Variants in LEKR1 observed in about 807,000 individuals in gnomAD.
The protein encoded by LEKR1 is protein LEKR1.
LEKR1 carries 59 observed loss-of-function variants against 72.4 expected under a neutral mutation model. That is an observed-to-expected ratio of 0.82 (90% CI 0.66 to 1.01). LEKR1 has a LOEUF of 1.01. Ranked by LOEUF, LEKR1 falls within the 50% of genes least tolerant of loss-of-function variation. The pLI is 0.00. For synonymous variants in LEKR1, 257 were observed against 263.2 expected (o/e 0.98, Z 0.23); for missense variants, 728 against 759.2 (o/e 0.96, Z 0.48).
chr3:157,026,234 C>T (rs1281668523), intron 11 of LEKR1, among the ~76,000 whole-genome samples: 1 of 152,034 alleles, frequency 6.6e-6, no homozygotes, highest in Non-Finnish European at 1.5e-5. Context: ...CACCGAGTCT[C>T]CCCCTTTCTT....
chr3:156,833,438 G>T (rs370703853), intron 2 of LEKR1, among the ~76,000 whole-genome samples: 1 of 152,106 alleles, frequency 6.6e-6, no homozygotes, highest in Admixed American at 6.6e-5. Flanking sequence ...AATTAACAAG[G>T]AAATTTGGTT....
intron 9 of LEKR1, among the ~76,000 whole-genome samples, chr3:157,011,084 T>C (rs924997146): frequency 6.6e-6 from 1 of 152,140 alleles, no homozygotes; most frequent in African/African-American, 2.4e-5. Context: ...ACTTATAACA[T>C]TTTATTTTAT....
At chr3:156,958,523 TTCCTACCACCTATTTCCTACTTG>T in intron 6 of LEKR1, among the ~76,000 whole-genome samples, 2 of 152,188 alleles carry the variant, frequency 1.3e-5, no homozygotes, top group African/African-American at 4.8e-5. Context: ...CTTTGCTCCC[TTCCTACCACCTATTTCCTACTTG>T]TTAGAACCTG....
At chr3:156,978,812 C>T (rs1479458393) in intron 6 of LEKR1, among the ~76,000 whole-genome samples, 1 of 152,138 alleles carries the variant, frequency 6.6e-6, no homozygotes, top group Non-Finnish European at 1.5e-5. Flanking sequence ...CAGTTCCAGA[C>T]CACAAAAGTG....
intron 5 of LEKR1, among the ~76,000 whole-genome samples, chr3:156,928,339 A>G (rs1252491946): frequency 6.6e-6 from 1 of 151,446 alleles, no homozygotes; most frequent in Non-Finnish European, 1.5e-5. Flanking sequence ...AACAAGTACT[A>G]CTCTCCCACA....
intron 5 of LEKR1, among the ~76,000 whole-genome samples, chr3:156,929,276 A>T (rs1322205187): frequency 1.3e-5 from 2 of 152,024 alleles, no homozygotes; most frequent in South Asian, 4.1e-4. Context: ...TCAACAGCCT[A>T]TCCATTTTGG....
At chr3:156,848,963 A>G (rs976705695) in intron 2 of LEKR1, among the ~76,000 whole-genome samples, 5 of 152,192 alleles carry the variant, frequency 3.3e-5, no homozygotes, top group African/African-American at 4.8e-5. Flanking sequence ...GAGGAAGTCA[A>G]ATTGTCCCTG....
intron 3 of LEKR1, among the ~76,000 whole-genome samples, chr3:156,883,975 A>G (rs920773997): frequency 3.9e-5 from 6 of 152,118 alleles, no homozygotes; most frequent in African/African-American, 1.4e-4. Context: ...AGGTACATAT[A>G]TATTTAGGAT....
intron 6 of LEKR1, among the ~76,000 whole-genome samples, chr3:156,965,965 AT>A (rs1243613498): frequency 1.3e-5 from 2 of 152,202 alleles, no homozygotes; most frequent in Non-Finnish European, 2.9e-5. Context: ...AAACTGTGAT[AT>A]GATAATATAT....
intron 3 of LEKR1, among the ~76,000 whole-genome samples, chr3:156,913,152 T>C (rs1453361544): frequency 6.6e-6 from 1 of 152,240 alleles, no homozygotes; most frequent in Non-Finnish European, 1.5e-5. Flanking sequence ...GAATAGCTTT[T>C]TTCTATTTCT....
chr3:156,990,301 A>G (rs910809153), intron 7 of LEKR1, among the ~76,000 whole-genome samples: 6 of 152,198 alleles, frequency 3.9e-5, no homozygotes, highest in Non-Finnish European at 2.9e-5. Context: ...CATGATAACA[A>G]TTTGACCCCA....
At chr3:156,971,700 CAAA>C in intron 6 of LEKR1, among the ~76,000 whole-genome samples, 1 of 152,084 alleles carries the variant, frequency 6.6e-6, no homozygotes, top group Admixed American at 6.6e-5. Flanking sequence ...AGACACTTCT[CAAA>C]AGAAGACATT....
At chr3:156,913,863 C>T (rs1013757074) in intron 3 of LEKR1, among the ~76,000 whole-genome samples, 1 of 152,138 alleles carries the variant, frequency 6.6e-6, no homozygotes, top group African/African-American at 2.4e-5. Context: ...TTATAGGCAG[C>T]ATTTCAGTCC....
chr3:157,042,465 A>G (rs1005387640), intron 12 of LEKR1, among the ~76,000 whole-genome samples: 11 of 152,198 alleles, frequency 7.2e-5, no homozygotes, highest in Non-Finnish European at 1.3e-4. Flanking sequence ...GGTATAAAGC[A>G]TGGGTGCACA....
intron 12 of LEKR1, among the ~76,000 whole-genome samples, chr3:157,038,996 A>T (rs113922548): frequency 0.013 from 1,956 of 152,254 alleles, 19 homozygotes; most frequent in South Asian, 0.021. Context: ...AGGACTATAG[A>T]TCTGTATTGG....
At chr3:156,942,900 A>G in intron 6 of LEKR1, 186 bp downstream of exon 6, 1 of 296,896 alleles carries the variant, frequency 3.4e-6, no homozygotes, top group Non-Finnish European at 6.3e-6. Context: ...CATCATTTCC[A>G]GTTTTGCCAT....
chr3:156,943,513 A>T (rs1560098716), intron 6 of LEKR1, among the ~76,000 whole-genome samples: 1 of 151,978 alleles, frequency 6.6e-6, no homozygotes, highest in Admixed American at 6.6e-5. Context: ...ACAAAGTATC[A>T]TGACTGGTAC....
intron 5 of LEKR1, among the ~76,000 whole-genome samples, chr3:156,929,070 A>G (rs187921930): frequency 3.4e-4 from 52 of 152,188 alleles, no homozygotes; most frequent in African/African-American, 1.2e-3. Flanking sequence ...ACTAGTAATG[A>G]ATAAAAAGAA....
intron 6 of LEKR1, among the ~76,000 whole-genome samples, chr3:156,976,555 C>G (rs1729712290): frequency 6.6e-6 from 1 of 152,004 alleles, no homozygotes; most frequent in Non-Finnish European, 1.5e-5. Flanking sequence ...ATCTAAACCA[C>G]CTTTTGGAGT....
Sources: allele counts gnomAD v4.1 joint callset (sites outside exome capture counted in the v4.1 genomes callset), GRCh38; gene constraint gnomAD v4.1.1; transcripts MANE v1.5; gene names NCBI Gene and HGNC (gene_info 2026-07-23, HGNC 2026-07-21).